Variants in COL24A1 observed in about 807,000 individuals in gnomAD.
COL24A1 encodes collagen alpha-1(XXIV) chain.
Under a neutral mutation model 253.9 loss-of-function variants are expected in COL24A1, and 224 were observed. The observed-to-expected ratio is 0.88, with a 90% CI of 0.79 to 0.99. COL24A1 has a LOEUF of 0.99. Ranked by LOEUF, COL24A1 falls within the 50% of genes least tolerant of loss-of-function variation. COL24A1 has a pLI of 0.00. For synonymous variants in COL24A1, 685 were observed against 673.7 expected, an observed-to-expected ratio of 1.02 and a Z score of -0.26; for missense variants, 2,131 against 2,068.5, an observed-to-expected ratio of 1.03 and a Z score of -0.59.
intron 7 of COL24A1, among the ~76,000 whole-genome samples, chr1:86,086,959 T>C (rs1014433788): frequency 1.3e-5 from 2 of 152,176 alleles, no homozygotes; most frequent in Non-Finnish European, 2.9e-5. Context: ...CAAAATAATC[T>C]CAAATATTTC....
chr1:86,096,717 C>G (rs1703914956), intron 5 of COL24A1, among the ~76,000 whole-genome samples: 1 of 152,164 alleles, frequency 6.6e-6, no homozygotes, highest in East Asian at 1.9e-4. Context: ...TCTATCTATT[C>G]TGCACCTGCC....
At chr1:86,078,134 G>A (rs1360982228) in intron 7 of COL24A1, among the ~76,000 whole-genome samples, 1 of 152,036 alleles carries the variant, frequency 6.6e-6, no homozygotes, top group African/African-American at 2.4e-5. Flanking sequence ...AGGGATGCAA[G>A]GATGATTCAA....
At chr1:85,858,315 A>T (rs1276374798) in intron 37 of COL24A1, among the ~76,000 whole-genome samples, 1 of 152,172 alleles carries the variant, frequency 6.6e-6, no homozygotes, top group Non-Finnish European at 1.5e-5. Flanking sequence ...ATAATTCCCT[A>T]TGATCTGGCT....
intron 24 of COL24A1, among the ~76,000 whole-genome samples, chr1:85,924,377 TTTTAGAC>T (rs1267993735): frequency 2.0e-5 from 3 of 152,156 alleles, no homozygotes; most frequent in Non-Finnish European, 4.4e-5. Context: ...AAAAAGAGAA[TTTTAGAC>T]CAATATCCCT....
At chr1:85,883,432 G>A (rs1682108357) in intron 32 of COL24A1, among the ~76,000 whole-genome samples, 1 of 151,682 alleles carries the variant, frequency 6.6e-6, no homozygotes, top group African/African-American at 2.4e-5. Flanking sequence ...TGTTGTCCAG[G>A]CTGGTCTCAA....
chr1:85,782,214 G>A (rs763666968), intron 51 of COL24A1, among the ~76,000 whole-genome samples: 2 of 152,134 alleles, frequency 1.3e-5, no homozygotes, highest in African/African-American at 4.8e-5. Context: ...AGCCTTCCAA[G>A]TAGCTGGGAT....
rs192933694 is a variant in COL24A1 at position 86,087,843 on chromosome 1, G to A, written c.1707+1331C>T. Reference sequence around the variant, plus strand: ...ACTGCAGTTTCATGTCTCCTTGCGGGGGCAACCAACAATCTCAAGGGAATT... The same window carrying A: ...ACTGCAGTTTCATGTCTCCTTGCGGAGGCAACCAACAATCTCAAGGGAATT... On this transcript the variant is annotated intron_variant, in intron 7 of 59. Transcript: ENST00000370571. Among the ~76,000 whole-genome samples, 174 of 152,166 alleles carry A rather than the reference G, an allele frequency of 1.1e-3. 1 individual carries two copies. In the Middle Eastern group the frequency reaches 0.024, roughly 21 times the overall value.
At chr1:85,909,905 A>T in intron 26 of COL24A1, 45 bp downstream of exon 26, 1 of 1,508,098 alleles carries the variant, frequency 6.6e-7, no homozygotes, top group Non-Finnish European at 9.2e-7. Flanking sequence ...ACTTGCTTTT[A>T]TTGCATTCTT....
At chr1:85,857,460 A>C (rs1678568386) in intron 37 of COL24A1, among the ~76,000 whole-genome samples, 1 of 35,432 alleles carries the variant, frequency 2.8e-5, no homozygotes, top group Admixed American at 2.5e-4. Flanking sequence ...CTCTTCTCCA[A>C]AAAAAAAAAA....
chr1:85,987,187 T>C (rs761042125), intron 20 of COL24A1, among the ~76,000 whole-genome samples: 3 of 151,852 alleles, frequency 2.0e-5, no homozygotes, highest in Non-Finnish European at 3.0e-5. Context: ...CTTGGGTTTC[T>C]TCAGGTCTTT....
chr1:86,028,223 G>A lies in COL24A1; in HGVS notation c.2049+3655C>T, dbSNP rs562580661. ...TAACGCTGGAATGAGCTAGAACTTT[G>A]GGGGACTGTCGGAAAGGCATGATTG... On this transcript the variant is annotated intron_variant, in intron 14 of 59. Coordinates refer to ENST00000370571, the MANE Select transcript of COL24A1 (RefSeq NM_152890.7). 2.6e-5 allele frequency among the ~76,000 whole-genome samples: 4 copies of A among 152,300 alleles called. No homozygotes were observed. The East Asian group carries it at 7.7e-4, about 29-fold the overall frequency.
At chr1:85,969,322 T>C (rs550019389) in intron 22 of COL24A1, among the ~76,000 whole-genome samples, 5 of 152,160 alleles carry the variant, frequency 3.3e-5, no homozygotes, top group Admixed American at 6.5e-5. Flanking sequence ...ACCAGTACTT[T>C]GGCCAGGCAT....
chr1:86,103,925 G>T (rs913427369), intron 5 of COL24A1, among the ~76,000 whole-genome samples: 1 of 152,048 alleles, frequency 6.6e-6, no homozygotes, highest in Non-Finnish European at 1.5e-5. Flanking sequence ...TTGAATTTTG[G>T]CCTCTCTAGC....
In COL24A1 at chr1:85,739,244, G is replaced by A. The variant is rs567504333; in HGVS notation, c.4673-1739C>T. Reference sequence around the variant, plus strand: ...GAAATACTATCCTACTACTATATGAGCTAATAATAAAAAATTCTTTATAAA... The same window carrying A: ...GAAATACTATCCTACTACTATATGAACTAATAATAAAAAATTCTTTATAAA... On this transcript the variant is annotated intron_variant, in intron 57 of 59. Transcript: ENST00000370571. Among the ~76,000 whole-genome samples, 45 of 152,176 alleles carry A rather than the reference G, an allele frequency of 3.0e-4. No individual in the cohort carries two copies. The South Asian group carries it at 5.2e-3, about 18-fold the overall frequency.
In COL24A1 at chr1:85,744,633, C is replaced by A. The variant is rs779407213; in HGVS notation, c.4672+33G>T. 3.3e-6 allele frequency: 5 copies of A among 1,516,992 alleles called. No individual in the cohort carries two copies. The South Asian group carries it at 4.8e-5, about 15-fold the overall frequency. 94.0% of individuals were successfully genotyped at this position (1,516,992 alleles called of 1,614,324 possible). A position where few individuals can be genotyped will look rare whatever the true frequency, so the allele number is the denominator to read the frequency against. Reference sequence around the variant, plus strand: ...CACACTGAAATGATGAAATGAAATTCACTATCAGAGTTTGAGGTAACCAAG... The same window carrying A: ...CACACTGAAATGATGAAATGAAATTAACTATCAGAGTTTGAGGTAACCAAG... On this transcript the variant is annotated intron_variant, in intron 57 of 59. Coordinates refer to ENST00000370571, the MANE Select transcript of COL24A1 (RefSeq NM_152890.7).
intron 8 of COL24A1, among the ~76,000 whole-genome samples, chr1:86,060,787 G>A (rs750719937): frequency 9.9e-5 from 15 of 152,000 alleles, no homozygotes; most frequent in Non-Finnish European, 1.5e-4. Flanking sequence ...ATGGCCTTCT[G>A]AGGATTACAG....
At chr1:85,755,066 C>A (rs574474738) in intron 55 of COL24A1, among the ~76,000 whole-genome samples, 2 of 152,250 alleles carry the variant, frequency 1.3e-5, no homozygotes, top group African/African-American at 4.8e-5. Context: ...GGAAGCTCAT[C>A]ATGTCCGAGA....
chr1:86,047,176 T>C (rs1699971910), intron 11 of COL24A1, among the ~76,000 whole-genome samples: 1 of 152,200 alleles, frequency 6.6e-6, no homozygotes. Context: ...TTGGCACAAC[T>C]AGATGAACAC....
At chr1:85,857,859 G>A in intron 37 of COL24A1, among the ~76,000 whole-genome samples, 1 of 152,154 alleles carries the variant, frequency 6.6e-6, no homozygotes, top group Admixed American at 6.6e-5. Flanking sequence ...AGCTTGTGAG[G>A]AAAACCAGAT....
Sources: gnomAD v4.1 joint callset for allele counts (sites outside exome capture counted in the v4.1 genomes callset) on GRCh38, gnomAD v4.1.1 for gene constraint, MANE v1.5 for transcripts, NCBI Gene and HGNC (gene_info 2026-07-23, HGNC 2026-07-21) for gene names.